Variants in TJP1 observed in about 807,000 individuals in gnomAD.
The protein encoded by TJP1 is tight junction protein 1.
TJP1 carries 43 observed loss-of-function variants against 194.2 expected under a neutral mutation model. That is an observed-to-expected ratio of 0.22 (90% CI 0.17 to 0.29). The LOEUF (loss-of-function observed/expected upper bound fraction) is 0.29, where lower values mean the gene tolerates loss of function less well. Among genes scored for constraint, TJP1 ranks in the 10% least tolerant of loss-of-function variants. The pLI is 1.00. For synonymous variants in TJP1, 801 were observed against 779.0 expected (o/e 1.03, Z -0.47); for missense variants, 1,971 against 2,185.7 (o/e 0.90, Z 1.96).
chr15:29,706,027 GT>G (rs1163469707), intron 25 of TJP1, among the ~76,000 whole-genome samples: 1 of 152,168 alleles, frequency 6.6e-6, no homozygotes, highest in African/African-American at 2.4e-5. Flanking sequence ...CATCTCCCAG[GT>G]TCAAGTGATT....
chr15:29,816,010 T>C (rs1449391330), intron 1 of TJP1, among the ~76,000 whole-genome samples: 4 of 150,774 alleles, frequency 2.7e-5, no homozygotes, highest in African/African-American at 7.3e-5. Flanking sequence ...TTTATTGGTG[T>C]CTTTCCTTTT....
At chr15:29,958,913 CTT>C (rs5811593) in intron 1 of TJP1, among the ~76,000 whole-genome samples, 1 of 151,526 alleles carries the variant, frequency 6.6e-6, no homozygotes, top group Non-Finnish European at 1.5e-5. Flanking sequence ...TGCAAACTTG[CTT>C]TTTTAGTTTT....
At chr15:29,958,028 A>G (rs1440049570) in intron 1 of TJP1, among the ~76,000 whole-genome samples, 2 of 152,202 alleles carry the variant, frequency 1.3e-5, no homozygotes, top group African/African-American at 2.4e-5. Context: ...CACCTTGAAC[A>G]TGGACTTGTC....
intron 2 of TJP1, among the ~76,000 whole-genome samples, chr15:29,782,863 A>T (rs1233525521): frequency 6.6e-6 from 1 of 150,846 alleles, no homozygotes; most frequent in African/African-American, 2.4e-5. Context: ...CCCCATTAGA[A>T]AGTGGGCAAA....
At chr15:29,826,574 C>T (rs532531734), upstream of TJP1, among the ~76,000 whole-genome samples, 5 of 151,926 alleles carry the variant, frequency 3.3e-5, no homozygotes, top group South Asian at 2.1e-4. Context: ...CCTGGGCATC[C>T]GCTTTTCCTC....
Position 29,718,699 on chromosome 15 carries a change from T to G in TJP1, c.3443A>C (p.Gln1148Pro). The G allele has an allele frequency of 6.2e-7, 1 of 1,614,190 alleles. No homozygotes were observed. Among genetic ancestry groups the G allele is most frequent in the Non-Finnish European group, 8.5e-7 (1 of 1,180,036 alleles). The change falls in exon 21 of 28, where the codon CAG becomes CCG. Residue 1148 changes from glutamine to proline, a missense_variant. Physicochemically the swap from Gln to Pro is moderately conservative, Grantham distance 76 (BLOSUM62 -1). Around this residue, in one of 5 missense-constraint regions of TJP1, gnomAD observed 1,108 missense variants for 1,128.5 expected, o/e 0.98. Transcript: ENST00000614355. ...CCGCAGGGCGGATGCTCTAGGTGCC[T>G]GTTCGTAACGTGGTCTGCTGTCGTA... ...LSYDSRPRYE[Q>P]APRASALRHE...
intron 2 of TJP1, among the ~76,000 whole-genome samples, chr15:29,884,869 C>G (rs2053062564): frequency 6.6e-6 from 1 of 152,142 alleles, no homozygotes; most frequent in South Asian, 2.1e-4. Context: ...TCAGATGACC[C>G]AGATGACTTC....
intron 2 of TJP1, among the ~76,000 whole-genome samples, chr15:29,873,572 T>A (rs914726488): frequency 6.6e-6 from 1 of 152,248 alleles, no homozygotes; most frequent in African/African-American, 2.4e-5. Flanking sequence ...GCTATTCTTT[T>A]ATGATCAAGA....
rs144858804 is a variant in TJP1 at position 29,831,878 on chromosome 15, A to G, written c.307-31176T>C. On this transcript the variant is annotated intron_variant, in intron 2 of 28. Coordinates refer to the TJP1 transcript ENST00000356107. Reference sequence around the variant, plus strand: ...CAGCAAATGCGGCAAAATATTCAAAATTGGTGAATCAGGCGATGAGCACAT... The same window carrying G: ...CAGCAAATGCGGCAAAATATTCAAAGTTGGTGAATCAGGCGATGAGCACAT... Among the ~76,000 whole-genome samples the G allele has an allele frequency of 2.1e-3, 321 of 152,312 alleles. 1 individual carries two copies. Among genetic ancestry groups the G allele is most frequent in the African/African-American group, 7.3e-3 (304 of 41,584 alleles).
intron 5 of TJP1, among the ~76,000 whole-genome samples, chr15:29,763,085 T>C (rs2046110290): frequency 6.6e-6 from 1 of 152,200 alleles, no homozygotes; most frequent in African/African-American, 2.4e-5. Context: ...TACTAGCATG[T>C]ACTAAGCATG....
chr15:29,731,112 G>A (rs1325806572), intron 15 of TJP1: 12 of 638,426 alleles, frequency 1.9e-5, no homozygotes, highest in African/African-American at 7.8e-5. Context: ...TATGTTGTTC[G>A]CACACAGAAC....
At chr15:29,888,699 C>T (rs1400327482) in intron 2 of TJP1, among the ~76,000 whole-genome samples, 1 of 152,164 alleles carries the variant, frequency 6.6e-6, no homozygotes, top group South Asian at 2.1e-4. Context: ...CAGCGTACAT[C>T]CTGAACCTAC....
chr15:29,787,780 G>A (rs2047793652), intron 2 of TJP1, among the ~76,000 whole-genome samples: 1 of 152,072 alleles, frequency 6.6e-6, no homozygotes. Flanking sequence ...GAATAATGGT[G>A]CCATTAACAC....
At chr15:29,725,066 G>A (rs1184357104) in intron 18 of TJP1, among the ~76,000 whole-genome samples, 1 of 152,216 alleles carries the variant, frequency 6.6e-6, no homozygotes, top group East Asian at 1.9e-4. Flanking sequence ...TAACAGAATT[G>A]TGTTGCTATA....
chr15:29,721,307 C>G (rs1455950231), intron 18 of TJP1, among the ~76,000 whole-genome samples: 3 of 152,100 alleles, frequency 2.0e-5, no homozygotes, highest in Non-Finnish European at 4.4e-5. Flanking sequence ...AATGGTTTAG[C>G]ACCATCTCCC....
intron 2 of TJP1, among the ~76,000 whole-genome samples, chr15:29,838,992 CTTT>C (rs760557407): frequency 0.054 from 4,451 of 83,026 alleles, 32 homozygotes; most frequent in East Asian, 0.093. Flanking sequence ...AAAAATTCAC[CTTT>C]TTTTTTTTTT....
intron 2 of TJP1, among the ~76,000 whole-genome samples, chr15:29,783,399 T>A (rs757165937): frequency 2.6e-5 from 4 of 152,106 alleles, no homozygotes; most frequent in African/African-American, 9.7e-5. Context: ...CTTATACACG[T>A]TGGGGAAGGC....
At chr15:29,715,032 C>G (rs1468304951) in intron 23 of TJP1, among the ~76,000 whole-genome samples, 1 of 152,194 alleles carries the variant, frequency 6.6e-6, no homozygotes, top group Non-Finnish European at 1.5e-5. Context: ...CAGTGCCTAG[C>G]TCACTTTAGG....
At chr15:29,804,663 AACTT>A (rs1386824379) in intron 1 of TJP1, among the ~76,000 whole-genome samples, 2 of 152,166 alleles carry the variant, frequency 1.3e-5, no homozygotes, top group African/African-American at 4.8e-5. Flanking sequence ...TTATTTTTAA[AACTT>A]AATATCCTTA....
Sources: gnomAD v4.1 joint callset for allele counts (sites outside exome capture counted in the v4.1 genomes callset) on GRCh38, gnomAD v4.1.1 for gene constraint, gnomAD v4.1.1 regional missense constraint, MANE v1.5 for transcripts, NCBI Gene and HGNC (gene_info 2026-07-23, HGNC 2026-07-21) for gene names.